Variants in LRRC4C observed in about 807,000 individuals in gnomAD.
LRRC4C encodes the protein leucine rich repeat containing 4C, also known as leucine-rich repeat-containing protein 4C.
A neutral mutation model predicts 33.6 loss-of-function variants in LRRC4C; 5 were observed. The ratio of observed to expected loss-of-function variants is 0.15; its 90% CI spans 0.08 to 0.31. The LOEUF (loss-of-function observed/expected upper bound fraction) is 0.31. LRRC4C is among the 10% of genes least tolerant of loss of function. The probability of loss-of-function intolerance (pLI) is 1.00; values close to 1 mark genes in which losing one functional copy is unlikely to be tolerated. For missense variants in LRRC4C, 560 were observed against 796.7 expected, an observed-to-expected ratio of 0.70 and a Z score of 3.58; for synonymous variants, 329 against 302.0, an observed-to-expected ratio of 1.09 and a Z score of -0.93.
At chr11:41,249,357 G>C (rs1178504802) in intron 1 of LRRC4C, among the ~76,000 whole-genome samples, 2 of 152,076 alleles carry the variant, frequency 1.3e-5, no homozygotes, top group Non-Finnish European at 2.9e-5. Flanking sequence ...CTTATACTTG[G>C]ATTCTTGCAA....
chr11:41,040,180 G>A (rs1857347466), intron 1 of LRRC4C, among the ~76,000 whole-genome samples: 1 of 151,728 alleles, frequency 6.6e-6, no homozygotes, highest in African/African-American at 2.4e-5. Context: ...CTGGTTTAGG[G>A]GATGTACATG....
At chr11:40,380,056 G>T (rs955092939) in intron 3 of LRRC4C, among the ~76,000 whole-genome samples, 1 of 152,178 alleles carries the variant, frequency 6.6e-6, no homozygotes, top group African/African-American at 2.4e-5. Flanking sequence ...GACAGTAATT[G>T]TGAGAGCATG....
intron 1 of LRRC4C, among the ~76,000 whole-genome samples, chr11:41,423,457 G>T (rs1954938622): frequency 6.6e-6 from 1 of 152,002 alleles, no homozygotes; most frequent in African/African-American, 2.4e-5. Context: ...AGACTTTTCT[G>T]GTTGAACATA....
rs149926494 is a variant in LRRC4C at position 41,173,924 on chromosome 11, C to T, written c.-495-240201G>A. Among the ~76,000 whole-genome samples the T allele has an allele frequency of 5.1e-3, 781 of 152,124 alleles. 5 individuals are homozygous for T. The highest frequency in any genetic ancestry group is 0.018 in the African/African-American group (735 of 41,522). ...AGATATTTATTATCAGAAAATATGT[C>T]AACTTTAAAAGTTATAATGTTTATC... is the stretch of plus-strand genomic sequence containing the variant. On this transcript the variant is annotated intron_variant, in intron 1 of 6. Transcript: ENST00000528697.
intron 3 of LRRC4C, among the ~76,000 whole-genome samples, chr11:40,594,662 A>G (rs1359283324): frequency 6.6e-6 from 1 of 152,218 alleles, no homozygotes; most frequent in Admixed American, 6.5e-5. Context: ...CCACATATTC[A>G]GTATTTAACA....
At chr11:41,338,777 G>A (rs746315518) in intron 1 of LRRC4C, among the ~76,000 whole-genome samples, 1 of 151,884 alleles carries the variant, frequency 6.6e-6, no homozygotes, top group Non-Finnish European at 1.5e-5. Flanking sequence ...AATAGAAAAA[G>A]CAAACAAGCA....
At chr11:40,508,210 C>G (rs1955133495) in intron 3 of LRRC4C, among the ~76,000 whole-genome samples, 1 of 152,094 alleles carries the variant, frequency 6.6e-6, no homozygotes, top group South Asian at 2.1e-4. Context: ...GGATGAAAAT[C>G]ATACTGCTAA....
At chr11:41,113,697 A>G (rs1941967467) in intron 1 of LRRC4C, among the ~76,000 whole-genome samples, 1 of 151,962 alleles carries the variant, frequency 6.6e-6, no homozygotes, top group South Asian at 2.1e-4. Context: ...ATCAGCACCA[A>G]GTTTTCTTGA....
chr11:41,417,451 A>G (rs1954725380), intron 1 of LRRC4C, among the ~76,000 whole-genome samples: 1 of 152,062 alleles, frequency 6.6e-6, no homozygotes, highest in Non-Finnish European at 1.5e-5. Flanking sequence ...GTGACAATGT[A>G]TCCCATGCCT....
intron 1 of LRRC4C, among the ~76,000 whole-genome samples, chr11:41,335,459 T>C (rs556420079): frequency 1.3e-5 from 2 of 152,312 alleles, no homozygotes; most frequent in Admixed American, 1.3e-4. Flanking sequence ...CCATCTTTAT[T>C]CTCTGCTTAC....
chr11:40,480,852 T>A (rs1953518807), intron 3 of LRRC4C, among the ~76,000 whole-genome samples: 1 of 151,990 alleles, frequency 6.6e-6, no homozygotes, highest in African/African-American at 2.4e-5. Flanking sequence ...ATACTACATG[T>A]TTTTAGTTAG....
At chr11:40,873,143 T>C (rs1048729252) in intron 2 of LRRC4C, among the ~76,000 whole-genome samples, 2 of 152,116 alleles carry the variant, frequency 1.3e-5, no homozygotes, top group Non-Finnish European at 1.5e-5. Flanking sequence ...ATTAGCAGAG[T>C]ATCCTTGGGC....
At chr11:40,240,312 T>A (rs10501224) in intron 5 of LRRC4C, among the ~76,000 whole-genome samples, 1 of 152,196 alleles carries the variant, frequency 6.6e-6, no homozygotes, top group African/African-American at 2.4e-5. Context: ...AATATCATCA[T>A]GTATAACTTG....
chr11:40,905,762 T>A (rs1030900058), intron 2 of LRRC4C, among the ~76,000 whole-genome samples: 2 of 152,190 alleles, frequency 1.3e-5, no homozygotes, highest in African/African-American at 4.8e-5. Context: ...TGTCTGCACA[T>A]TTTCAAGAAA....
At chr11:40,386,845 G>A (rs1411885262) in intron 3 of LRRC4C, among the ~76,000 whole-genome samples, 2 of 152,102 alleles carry the variant, frequency 1.3e-5, no homozygotes, top group Non-Finnish European at 2.9e-5. Flanking sequence ...AAATTGGAAA[G>A]CCGACATACA....
intron 1 of LRRC4C, among the ~76,000 whole-genome samples, chr11:41,312,826 T>C (rs889312621): frequency 6.6e-6 from 1 of 152,182 alleles, no homozygotes; most frequent in Admixed American, 6.5e-5. Context: ...GGGTTAGCAA[T>C]TTAGGTCTGA....
chr11:40,900,262 G>T (rs1357056036), intron 2 of LRRC4C, among the ~76,000 whole-genome samples: 1 of 151,984 alleles, frequency 6.6e-6, no homozygotes, highest in Non-Finnish European at 1.5e-5. Flanking sequence ...GCACCTTCAG[G>T]TGGGTTTGTG....
At chr11:41,456,792 A>G (rs1433575741) in intron 1 of LRRC4C, among the ~76,000 whole-genome samples, 2 of 152,060 alleles carry the variant, frequency 1.3e-5, no homozygotes, top group African/African-American at 4.8e-5. Context: ...AACCCTCTCT[A>G]CCACAAAATA....
At chr11:40,360,345 T>C (rs1304012541) in intron 3 of LRRC4C, among the ~76,000 whole-genome samples, 2 of 152,152 alleles carry the variant, frequency 1.3e-5, no homozygotes, top group Non-Finnish European at 2.9e-5. Context: ...AGAGATCTGC[T>C]GAGATTTCTC....
Sources: allele counts gnomAD v4.1 joint callset (sites outside exome capture counted in the v4.1 genomes callset), GRCh38; gene constraint gnomAD v4.1.1; transcripts MANE v1.5; gene names NCBI Gene and HGNC (gene_info 2026-07-23, HGNC 2026-07-21).